Variants in SLC38A12 observed in about 807,000 individuals in gnomAD.
SLC38A12 encodes the protein putative sodium-coupled neutral amino acid transporter 12.
At chr17:74,799,965 C>G in the SLC38A12 span, among the ~76,000 whole-genome samples, 1 of 152,216 alleles carries the variant, frequency 6.6e-6, no homozygotes, top group Admixed American at 6.5e-5. Flanking sequence ...GTAGCACATA[C>G]CAGTGACTTT....
At chr17:74,836,184 C>T in the SLC38A12 span, 28 of 1,612,930 alleles carry the variant, frequency 1.7e-5, no homozygotes, top group African/African-American at 5.3e-5. The surrounding 1 kb of genome is among the most constrained non-coding windows in gnomAD (Gnocchi z 4.2). Flanking sequence ...CTTCTGCTTC[C>T]GCGGCGACAG....
At chr17:74,827,757 C>T in the SLC38A12 span, among the ~76,000 whole-genome samples, 5 of 152,166 alleles carry the variant, frequency 3.3e-5, no homozygotes, top group African/African-American at 9.7e-5. The surrounding 1 kb of genome is among the most constrained non-coding windows in gnomAD (Gnocchi z 4.7). Context: ...GGCTCTTCTT[C>T]CACCTCCAGC....
chr17:74,797,189 G>A, the SLC38A12 span, among the ~76,000 whole-genome samples: 4 of 152,328 alleles, frequency 2.6e-5, no homozygotes, highest in East Asian at 1.9e-4. Context: ...ATTTAGAAGC[G>A]TTATTCTTGC....
At chr17:74,785,774 G>A in the SLC38A12 span, 1 of 887,088 alleles carries the variant, frequency 1.1e-6, no homozygotes, top group African/African-American at 1.7e-5. Context: ...TGGTCACAGA[G>A]GCCTCCTGGT....
chr17:74,790,892 A>G, the SLC38A12 span: 1 of 1,507,256 alleles, frequency 6.6e-7, no homozygotes, highest in South Asian at 1.1e-5. Context: ...TGAGGTCCTC[A>G]CCACCCTCTG....
the SLC38A12 span, chr17:74,788,804 C>G: frequency 7.4e-6 from 12 of 1,613,418 alleles, no homozygotes; most frequent in Non-Finnish European, 1.0e-5. Context: ...TGACCACCAC[C>G]TTTGTGATAG....
chr17:74,799,297 G>A, the SLC38A12 span, among the ~76,000 whole-genome samples: 20 of 152,372 alleles, frequency 1.3e-4, no homozygotes, highest in Admixed American at 5.9e-4. Context: ...GGCCCCGGCC[G>A]AACAGAGCCG....
At chr17:74,814,857 A>G in the SLC38A12 span, among the ~76,000 whole-genome samples, 1 of 152,226 alleles carries the variant, frequency 6.6e-6, no homozygotes, top group Non-Finnish European at 1.5e-5. Context: ...CTGGGGACAC[A>G]AAATCAACCC....
At chr17:74,836,346 T>C in the SLC38A12 span, 1 of 1,612,870 alleles carries the variant, frequency 6.2e-7, no homozygotes, top group Non-Finnish European at 8.5e-7. The surrounding 1 kb of genome is among the most constrained non-coding windows in gnomAD (Gnocchi z 4.2). Context: ...GAAGACACTC[T>C]TCCACCGCGA....
At chr17:74,816,044 T>C in the SLC38A12 span, among the ~76,000 whole-genome samples, 1 of 152,222 alleles carries the variant, frequency 6.6e-6, no homozygotes, top group African/African-American at 2.4e-5. Context: ...GTAGATTTCC[T>C]TCCTGTCCAG....
At chr17:74,817,815 G>T in the SLC38A12 span, among the ~76,000 whole-genome samples, 13 of 152,030 alleles carry the variant, frequency 8.6e-5, no homozygotes, top group Admixed American at 3.9e-4. Flanking sequence ...CCAGTCTTTA[G>T]GTCTCTGAGA....
At chr17:74,810,222 T>C in the SLC38A12 span, among the ~76,000 whole-genome samples, 2 of 152,200 alleles carry the variant, frequency 1.3e-5, no homozygotes, top group African/African-American at 4.8e-5. Context: ...GGTGACCTAG[T>C]GACAAGGTGC....
chr17:74,777,394 AC>A, the SLC38A12 span: 1 of 1,613,984 alleles, frequency 6.2e-7, no homozygotes, highest in Non-Finnish European at 8.5e-7. Flanking sequence ...GACTTATAGA[AC>A]CTTTTGCTCA....
At chr17:74,794,984 C>T in the SLC38A12 span, 2 of 1,591,818 alleles carry the variant, frequency 1.3e-6, no homozygotes, top group South Asian at 1.1e-5. Flanking sequence ...CTTTGTGGCT[C>T]CCTGACTGAT....
chr17:74,816,561 A>T, the SLC38A12 span, among the ~76,000 whole-genome samples: 1 of 152,132 alleles, frequency 6.6e-6, no homozygotes, highest in African/African-American at 2.4e-5. Context: ...AAACTCACTG[A>T]CCCAAAAAGA....
the SLC38A12 span, among the ~76,000 whole-genome samples, chr17:74,783,834 G>A: frequency 6.2e-5 from 9 of 145,522 alleles, no homozygotes; most frequent in Non-Finnish European, 1.0e-4. Context: ...GGGTTCAAGC[G>A]ATCCCCCTGC....
the SLC38A12 span, chr17:74,838,515 C>T: frequency 2.9e-6 from 3 of 1,049,836 alleles, no homozygotes; most frequent in Non-Finnish European, 3.4e-6. Flanking sequence ...TTCATAAAGC[C>T]CAGGTTGATT....
chr17:74,820,469 C>T, the SLC38A12 span, among the ~76,000 whole-genome samples: 1 of 152,232 alleles, frequency 6.6e-6, no homozygotes, highest in Non-Finnish European at 1.5e-5. Flanking sequence ...GGCTGGTCTA[C>T]TTCCGCCACA....
the SLC38A12 span, among the ~76,000 whole-genome samples, chr17:74,832,543 T>G: frequency 6.6e-6 from 1 of 152,180 alleles, no homozygotes; most frequent in Non-Finnish European, 1.5e-5. Flanking sequence ...TGGCGGCCTC[T>G]CCCCCTCCTG....
Sources: gnomAD v4.1 joint callset for allele counts (sites outside exome capture counted in the v4.1 genomes callset) on GRCh38, gnomAD v4.1.1 for gene constraint, Gnocchi (gnomAD v3.1) non-coding constraint, MANE v1.5 for transcripts, NCBI Gene and HGNC (gene_info 2026-07-23, HGNC 2026-07-21) for gene names.